Variants in KCNT1 observed in about 807,000 individuals in gnomAD.
KCNT1 encodes potassium sodium-activated channel subfamily T member 1, also known as potassium channel subfamily T member 1.
KCNT1 carries 78 observed loss-of-function variants against 147.8 expected under a neutral mutation model. That is an observed-to-expected ratio of 0.53 (90% CI 0.44 to 0.64). KCNT1 has a LOEUF of 0.64. Ranked by LOEUF, KCNT1 falls within the 30% of genes least tolerant of loss-of-function variation. The pLI is 0.00. For synonymous variants in KCNT1, 867 were observed against 748.8 expected (o/e 1.16, Z -2.58); for missense variants, 1,419 against 1,750.3 (o/e 0.81, Z 3.38).
intron 27 of KCNT1, 87 bp from the exon 28 acceptor site, chr9:135,785,223 G>A (rs1833945611): frequency 6.3e-7 from 1 of 1,576,808 alleles, no homozygotes; most frequent in African/African-American, 1.3e-5. Context: ...CCAGCCCTAA[G>A]CATGTTCCGT....
chr9:135,725,866 G>A (rs895817814), intron 2 of KCNT1, among the ~76,000 whole-genome samples: 46 of 152,310 alleles, frequency 3.0e-4, no homozygotes, highest in Admixed American at 2.9e-3. Context: ...AAGCAGAAAT[G>A]CCGGAAAAGA....
intron 9 of KCNT1, among the ~76,000 whole-genome samples, chr9:135,758,149 G>T (rs28657437): frequency 3.3e-5 from 3 of 89,922 alleles, no homozygotes; most frequent in Non-Finnish European, 4.6e-5. Context: ...GGGCTGCCCC[G>T]TGGGCCTCAG....
Position 135,771,151 on chromosome 9 carries a change from A to AGGCGGGACACCG in KCNT1, c.2008+58_2008+69dup, listed in dbSNP as rs1020147396. On this transcript the variant is annotated intron_variant, in intron 18 of 30. Transcript: ENST00000371757. Reference sequence around the variant, plus strand: ...GGGCCTGCTCCTTTGGCGGGAGACCAGGCGGGACACCGGCAGGTGACCAGG... The same window carrying AGGCGGGACACCG: ...GGGCCTGCTCCTTTGGCGGGAGACCAGGCGGGACACCGGGCGGGACACCGGCAGGTGACCAGG... 3.3e-6 allele frequency: 5 copies of AGGCGGGACACCG among 1,494,450 alleles called. No individual in the cohort carries two copies. In the Admixed American group the frequency reaches 5.5e-5, roughly 17 times the overall value. 92.6% of individuals were successfully genotyped at this position (1,494,450 alleles called of 1,614,324 possible).
In KCNT1 at chr9:135,760,806, C is replaced by T. The variant is rs185195644; in HGVS notation, c.1035+947C>T. Among the ~76,000 whole-genome samples, 886 of 152,328 alleles carry T rather than the reference C, an allele frequency of 5.8e-3. 6 individuals are homozygous for T. The highest frequency in any genetic ancestry group is 0.02 in the African/African-American group (832 of 41,558). On this transcript the variant is annotated intron_variant, in intron 11 of 30. Transcript: ENST00000371757. Reference sequence around the variant, plus strand: ...TCTCCTGAGTTCAGATGGGGCCGTGCGCGTCTTTCCATCTGGTTGTCGGCC... The same window carrying T: ...TCTCCTGAGTTCAGATGGGGCCGTGTGCGTCTTTCCATCTGGTTGTCGGCC...
rs762249620 is a variant in KCNT1, at chr9:135,750,143, G to A, written c.300G>A (p.Arg100=). Residue 100 remains arginine (R), a synonymous_variant, in exon 3 of 31, where the codon CGG becomes CGA. Coordinates refer to ENST00000371757, the MANE Select transcript of KCNT1 (RefSeq NM_020822.3). ...FYVNENTFKE[R]LKLFFIKNQR... is the part of the protein sequence containing the mutation. ...TCAACGAGAACACCTTCAAGGAGCGGCTCAAGCTGTTCTTCATCAAAAACC... is the reference window on the plus strand; with the variant it reads ...TCAACGAGAACACCTTCAAGGAGCGACTCAAGCTGTTCTTCATCAAAAACC... 26 of 1,613,654 alleles carry A rather than the reference G, an allele frequency of 1.6e-5. No homozygotes were observed. Among genetic ancestry groups the A allele is most frequent in the Non-Finnish European group, 2.1e-5 (25 of 1,179,972 alleles).
chr9:135,706,162 G>C (rs545563064), intron 1 of KCNT1, among the ~76,000 whole-genome samples: 1 of 152,168 alleles, frequency 6.6e-6, no homozygotes, highest in Non-Finnish European at 1.5e-5. Flanking sequence ...GAATGGGAGT[G>C]CTAGCATGGA....
At chr9:135,745,026 G>A (rs1830750989) in intron 2 of KCNT1, among the ~76,000 whole-genome samples, 1 of 152,234 alleles carries the variant, frequency 6.6e-6, no homozygotes, top group Non-Finnish European at 1.5e-5. Flanking sequence ...CCAGGGTGGG[G>A]GTCGGGACCC....
At chr9:135,719,479 C>A (rs981482423) in intron 2 of KCNT1, among the ~76,000 whole-genome samples, 1 of 152,160 alleles carries the variant, frequency 6.6e-6, no homozygotes, top group African/African-American at 2.4e-5. Flanking sequence ...TGTCACACCA[C>A]AGGCCCATCT....
chr9:135,724,893 G>A lies in KCNT1; in HGVS notation c.254+10173G>A, dbSNP rs76876358. ...AGATGGGCCCCCCACCACTGGCTTC[G>A]AGGATGACCCTGAACCTTCCCTCTA... On this transcript the variant is annotated intron_variant, in intron 2 of 30. Coordinates refer to ENST00000371757, the MANE Select transcript of KCNT1 (RefSeq NM_020822.3). 3.6e-3 allele frequency among the ~76,000 whole-genome samples: 546 copies of A among 152,308 alleles called. 17 individuals are homozygous for A. The East Asian group carries it at 0.072, about 20-fold the overall frequency.
chr9:135,706,188 T>C (rs1039434091), intron 1 of KCNT1, among the ~76,000 whole-genome samples: 15 of 152,340 alleles, frequency 9.8e-5, no homozygotes, highest in African/African-American at 2.9e-4. Flanking sequence ...CGAGGTTGTG[T>C]TGAGCCCATG....
intron 2 of KCNT1, among the ~76,000 whole-genome samples, chr9:135,739,412 C>G (rs975041832): frequency 1.3e-5 from 2 of 151,442 alleles, no homozygotes; most frequent in African/African-American, 4.9e-5. Context: ...CCCTGATGTT[C>G]CTTGGCTCAG....
intron 2 of KCNT1, among the ~76,000 whole-genome samples, chr9:135,746,215 T>G (rs932270002): frequency 4.6e-5 from 7 of 152,214 alleles, no homozygotes; most frequent in Non-Finnish European, 7.3e-5. Flanking sequence ...TCAGGGAGTC[T>G]GCCAGGCCCC....
At chr9:135,711,943 G>A (rs1835511347) in intron 1 of KCNT1, among the ~76,000 whole-genome samples, 2 of 152,192 alleles carry the variant, frequency 1.3e-5, no homozygotes, top group South Asian at 2.1e-4. Flanking sequence ...TTCCTATAAG[G>A]GAACAGGCAT....
chr9:135,788,194 C>T, intron 29 of KCNT1: 6 of 1,581,232 alleles, frequency 3.8e-6, no homozygotes, highest in Non-Finnish European at 5.2e-6. Flanking sequence ...CCGACCACCG[C>T]ACAACGGGGC....
At chr9:135,710,658 A>T (rs1327762426) in intron 1 of KCNT1, among the ~76,000 whole-genome samples, 1 of 152,194 alleles carries the variant, frequency 6.6e-6, no homozygotes, top group African/African-American at 2.4e-5. Context: ...GCAGAGTGTC[A>T]GCTGCTGTGG....
At position 135,791,572 on chromosome 9, in the gene KCNT1, C is replaced by G. The variant is rs868104665; in HGVS notation, c.3503-225C>G. 2.0e-4 allele frequency: 107 copies of G among 548,338 alleles called. 4 individuals are homozygous for G. In the South Asian group the frequency reaches 2.2e-3, roughly 11 times the overall value. 34.0% of individuals were successfully genotyped at this position (548,338 alleles called of 1,614,324 possible). ...AGAGGTGGGTGCGGGTCAGAGCTGG[C>G]TCCCAGCTGCCCTCCTGGCTGTCCC... On this transcript the variant is annotated intron_variant, in intron 29 of 30. Coordinates refer to ENST00000371757, the MANE Select transcript of KCNT1 (RefSeq NM_020822.3).
chr9:135,750,044 C>G (rs1346871283), intron 2 of KCNT1, 54 bp from the exon 3 acceptor site: 5 of 1,469,780 alleles, frequency 3.4e-6, no homozygotes, highest in African/African-American at 1.4e-5. Flanking sequence ...CGGCGTGTCC[C>G]CAGCCTGAGT....
intron 2 of KCNT1, chr9:135,736,800 G>A: frequency 2.7e-6 from 1 of 374,476 alleles, no homozygotes. Context: ...AGGGGCGCGC[G>A]GGCCTGGGAC....
chr9:135,768,530 TCCCCA>T (rs1832493493), intron 13 of KCNT1, 75 bp from the exon 14 acceptor site: 1 of 1,131,806 alleles, frequency 8.8e-7, no homozygotes. Context: ...GAGGAGGTCC[TCCCCA>T]CCTCACCTCC....
Sources: allele counts gnomAD v4.1 joint callset (sites outside exome capture counted in the v4.1 genomes callset), GRCh38; gene constraint gnomAD v4.1.1; transcripts MANE v1.5; gene names NCBI Gene and HGNC (gene_info 2026-07-23, HGNC 2026-07-21).